Variants in FTCDNL1 observed in about 807,000 individuals in gnomAD.
FTCDNL1 encodes the protein formiminotransferase cyclodeaminase N-terminal like.
Under a neutral mutation model 5.9 loss-of-function variants are expected in FTCDNL1, and 11 were observed. That is an observed-to-expected ratio of 1.87 (90% CI 1.18 to 3.10). The LOEUF (loss-of-function observed/expected upper bound fraction) is 3.10, where lower values mean the gene tolerates loss of function less well. Among genes scored for constraint, FTCDNL1 ranks in the 30% most tolerant of loss-of-function variants. FTCDNL1 has a pLI of 0.00. For missense variants in FTCDNL1, 115 were observed against 65.5 expected, an observed-to-expected ratio of 1.76 and a Z score of -2.61; for synonymous variants, 58 against 24.8, an observed-to-expected ratio of 2.34 and a Z score of -3.99.
intron 3 of FTCDNL1, among the ~76,000 whole-genome samples, chr2:199,845,468 G>T (rs1354722627): frequency 6.6e-6 from 1 of 152,052 alleles, no homozygotes; most frequent in Non-Finnish European, 1.5e-5. Context: ...CTACAAAGGA[G>T]GCTGAAGCAT....
chr2:199,683,205 C>T, the FTCDNL1 span, among the ~76,000 whole-genome samples: 17 of 152,044 alleles, frequency 1.1e-4, no homozygotes, highest in Non-Finnish European at 1.8e-4. Context: ...TCAGCAATAG[C>T]GAGCCATTCC....
At chr2:199,843,843 A>G (rs1282055987) in intron 3 of FTCDNL1, among the ~76,000 whole-genome samples, 1 of 152,186 alleles carries the variant, frequency 6.6e-6, no homozygotes, top group African/African-American at 2.4e-5. Context: ...AAACACCTCA[A>G]GTGACATAGC....
chr2:199,718,653 T>C, the FTCDNL1 span, among the ~76,000 whole-genome samples: 9 of 152,230 alleles, frequency 5.9e-5, no homozygotes, highest in Non-Finnish European at 1.2e-4. Flanking sequence ...TTATACTTAT[T>C]TACAATCCCC....
chr2:199,720,903 C>T, the FTCDNL1 span, among the ~76,000 whole-genome samples: 1 of 152,040 alleles, frequency 6.6e-6, no homozygotes, highest in Non-Finnish European at 1.5e-5. Context: ...CACGGTATAA[C>T]AGCAGTAACC....
intron 3 of FTCDNL1, among the ~76,000 whole-genome samples, chr2:199,792,725 C>A (rs986199288): frequency 2.0e-5 from 3 of 152,098 alleles, no homozygotes; most frequent in Admixed American, 6.6e-5. Context: ...TCCACTTATC[C>A]CCAGCATAGA....
chr2:199,780,895 C>G (rs1699330804), intron 3 of FTCDNL1, among the ~76,000 whole-genome samples: 1 of 152,224 alleles, frequency 6.6e-6, no homozygotes, highest in African/African-American at 2.4e-5. Context: ...GCCTGCTGTT[C>G]TCTTGTGTCC....
chr2:199,731,745 G>A, the FTCDNL1 span, among the ~76,000 whole-genome samples: 5,857 of 152,062 alleles, frequency 0.039, 161 homozygotes, highest in Non-Finnish European at 0.063. Context: ...AAAATTAGCC[G>A]GGCGTAGTGG....
chr2:199,688,817 T>C, the FTCDNL1 span, among the ~76,000 whole-genome samples: 1 of 152,174 alleles, frequency 6.6e-6, no homozygotes, highest in Admixed American at 6.5e-5. Flanking sequence ...CTGCCTCGGG[T>C]TGATAGTGAA....
At chr2:199,761,728 A>G (rs1396200252) in intron 3 of FTCDNL1, among the ~76,000 whole-genome samples, 1 of 152,140 alleles carries the variant, frequency 6.6e-6, no homozygotes, top group Admixed American at 6.5e-5. Flanking sequence ...CACCCCAGCC[A>G]TGCTGTCTTC....
chr2:199,782,542 C>A (rs1298575855), intron 3 of FTCDNL1, among the ~76,000 whole-genome samples: 1 of 152,152 alleles, frequency 6.6e-6, no homozygotes, highest in East Asian at 1.9e-4. Flanking sequence ...TTCTGAGATT[C>A]AATGTGGGAG....
At chr2:199,678,462 T>G in the FTCDNL1 span, among the ~76,000 whole-genome samples, 11 of 152,308 alleles carry the variant, frequency 7.2e-5, no homozygotes, top group Middle Eastern at 3.4e-3. Context: ...CTTTCTTTCC[T>G]TTTTAAAGAA....
At chr2:199,724,048 G>A in the FTCDNL1 span, among the ~76,000 whole-genome samples, 1 of 152,096 alleles carries the variant, frequency 6.6e-6, no homozygotes, top group African/African-American at 2.4e-5. Flanking sequence ...ATTTATTATT[G>A]CCTCAATTTC....
chr2:199,773,593 A>G (rs979798445), intron 3 of FTCDNL1, among the ~76,000 whole-genome samples: 1 of 152,172 alleles, frequency 6.6e-6, no homozygotes, highest in Admixed American at 6.5e-5. Context: ...CCAGTCTGAG[A>G]AGTGGCTCAT....
the FTCDNL1 span, among the ~76,000 whole-genome samples, chr2:199,665,520 C>T: frequency 3.3e-5 from 5 of 151,212 alleles, no homozygotes; most frequent in Admixed American, 1.3e-4. Context: ...GTAATCCCAA[C>T]TATTCAGGAG....
At chr2:199,763,307 C>T (rs1315729203) in intron 3 of FTCDNL1, among the ~76,000 whole-genome samples, 4 of 152,098 alleles carry the variant, frequency 2.6e-5, no homozygotes, top group East Asian at 3.9e-4. Flanking sequence ...TCTCCCCCAG[C>T]GTGACTTGTA....
At chr2:199,743,672 G>A in the FTCDNL1 span, among the ~76,000 whole-genome samples, 2 of 151,944 alleles carry the variant, frequency 1.3e-5, no homozygotes, top group Admixed American at 6.6e-5. Context: ...CTGACTGGCT[G>A]CAAGATGGTA....
the FTCDNL1 span, among the ~76,000 whole-genome samples, chr2:199,717,546 C>T: frequency 4.6e-4 from 45 of 98,146 alleles, no homozygotes; most frequent in Admixed American, 2.3e-3. Context: ...TGCTTCCTCA[C>T]ATCTGGCAAG....
At chr2:199,782,993 C>A (rs997033649) in intron 3 of FTCDNL1, among the ~76,000 whole-genome samples, 2 of 152,182 alleles carry the variant, frequency 1.3e-5, no homozygotes, top group Admixed American at 6.5e-5. Context: ...AAATAAGCAA[C>A]CCTCTTGCTG....
intron 3 of FTCDNL1, among the ~76,000 whole-genome samples, chr2:199,779,620 T>C (rs1263602228): frequency 6.6e-6 from 1 of 152,156 alleles, no homozygotes; most frequent in Non-Finnish European, 1.5e-5. Flanking sequence ...GCGATGTGCC[T>C]CCAGGGATTG....
Sources: gnomAD v4.1 joint callset for allele counts (sites outside exome capture counted in the v4.1 genomes callset) on GRCh38, gnomAD v4.1.1 for gene constraint, MANE v1.5 for transcripts, NCBI Gene and HGNC (gene_info 2026-07-23, HGNC 2026-07-21) for gene names.